PARD3B: variants seen among roughly 807,000 people sequenced by gnomAD.
PARD3B encodes the protein par-3 family cell polarity regulator beta, also known as partitioning defective 3 homolog B.
In PARD3B, 103 loss-of-function variants were observed where a neutral mutation model predicts 130.2. The observed-to-expected ratio is 0.79, with a 90% CI of 0.67 to 0.93. The LOEUF (loss-of-function observed/expected upper bound fraction) is 0.93, where lower values mean the gene tolerates loss of function less well. PARD3B is among the 40% of genes least tolerant of loss of function. PARD3B has a pLI of 0.00. For synonymous variants in PARD3B, 583 were observed against 553.2 expected, an observed-to-expected ratio of 1.05 and a Z score of -0.76; for missense variants, 1,609 against 1,499.2, an observed-to-expected ratio of 1.07 and a Z score of -1.21.
At chr2:205,047,711 A>G (rs370593472) in intron 4 of PARD3B, 21 bp downstream of exon 4, 83 of 1,489,360 alleles carry the variant, frequency 5.6e-5, no homozygotes, top group Non-Finnish European at 7.1e-5. Flanking sequence ...TGCTGCTTGT[A>G]GTTCTAATGA....
At chr2:204,655,388 C>T (rs895342915) in intron 1 of PARD3B, among the ~76,000 whole-genome samples, 4 of 152,066 alleles carry the variant, frequency 2.6e-5, no homozygotes, top group Non-Finnish European at 5.9e-5. Flanking sequence ...CTCTGATTTA[C>T]TCTGCTTGTC....
intron 2 of PARD3B, among the ~76,000 whole-genome samples, chr2:204,917,656 A>G (rs535079809): frequency 6.6e-6 from 1 of 152,322 alleles, no homozygotes; most frequent in Non-Finnish European, 1.5e-5. Context: ...GGAATAGAAT[A>G]CTAATGTTTT....
At chr2:204,854,426 AG>A in intron 2 of PARD3B, among the ~76,000 whole-genome samples, 1 of 152,294 alleles carries the variant, frequency 6.6e-6, no homozygotes, top group South Asian at 2.1e-4. Flanking sequence ...TTGGAATAAG[AG>A]GGGGTAAGAG....
At chr2:205,148,654 G>T (rs1455533596) in intron 10 of PARD3B, among the ~76,000 whole-genome samples, 2 of 151,990 alleles carry the variant, frequency 1.3e-5, no homozygotes, top group African/African-American at 2.4e-5. Flanking sequence ...GTTAACAATG[G>T]ATAAGCTTAT....
intron 2 of PARD3B, among the ~76,000 whole-genome samples, chr2:204,917,685 T>C (rs553518703): frequency 6.6e-6 from 1 of 152,318 alleles, no homozygotes; most frequent in South Asian, 2.1e-4. Flanking sequence ...TATTTCTAAT[T>C]TGGATCAGAA....
chr2:204,927,237 CCTAAG>C (rs1204129813), intron 2 of PARD3B, among the ~76,000 whole-genome samples: 1 of 152,078 alleles, frequency 6.6e-6, no homozygotes, highest in South Asian at 2.1e-4. Context: ...AATCCTAACT[CCTAAG>C]GTGTTAGTAT....
At chr2:205,277,798 A>G (rs1251540650) in intron 16 of PARD3B, among the ~76,000 whole-genome samples, 1 of 152,184 alleles carries the variant, frequency 6.6e-6, no homozygotes, top group Non-Finnish European at 1.5e-5. Flanking sequence ...AATCATCCCG[A>G]GGAGTTTGGA....
intron 18 of PARD3B, among the ~76,000 whole-genome samples, chr2:205,400,061 T>A (rs2046194387): frequency 6.6e-6 from 1 of 152,196 alleles, no homozygotes; most frequent in African/African-American, 2.4e-5. Flanking sequence ...CTCGTGGCAC[T>A]GTCATGGTGT....
intron 15 of PARD3B, among the ~76,000 whole-genome samples, chr2:205,217,770 GTATA>G (rs2037996567): frequency 1.4e-5 from 2 of 143,670 alleles, no homozygotes; most frequent in African/African-American, 5.2e-5. Context: ...GTGTAGATAA[GTATA>G]TATGTATATA....
At chr2:205,320,930 A>G (rs2042731715) in intron 18 of PARD3B, among the ~76,000 whole-genome samples, 1 of 152,212 alleles carries the variant, frequency 6.6e-6, no homozygotes, top group African/African-American at 2.4e-5. Flanking sequence ...TAGGCACTAA[A>G]GAGAAGAATA....
intron 3 of PARD3B, among the ~76,000 whole-genome samples, chr2:204,986,241 A>C (rs1403401210): frequency 6.6e-6 from 1 of 152,114 alleles, no homozygotes; most frequent in Non-Finnish European, 1.5e-5. Flanking sequence ...GCTGACTGCA[A>C]GGAAAGCTCA....
intron 2 of PARD3B, among the ~76,000 whole-genome samples, chr2:204,863,051 G>C (rs371815466): frequency 6.6e-6 from 1 of 152,132 alleles, no homozygotes; most frequent in African/African-American, 2.4e-5. Context: ...GGGAAAGGGC[G>C]GGCTCCATCC....
chr2:204,614,981 T>G (rs2125120729), intron 1 of PARD3B, among the ~76,000 whole-genome samples: 1 of 152,322 alleles, frequency 6.6e-6, no homozygotes, highest in African/African-American at 2.4e-5. Context: ...TTACTCACTT[T>G]TATGTGAGGT....
chr2:205,399,256 G>C (rs1198435601), intron 18 of PARD3B, among the ~76,000 whole-genome samples: 1 of 152,046 alleles, frequency 6.6e-6, no homozygotes, highest in Admixed American at 6.5e-5. Flanking sequence ...GGCAACAAGA[G>C]TGAAACTCCA....
At chr2:204,771,854 A>G (rs2041401464) in intron 2 of PARD3B, among the ~76,000 whole-genome samples, 1 of 152,002 alleles carries the variant, frequency 6.6e-6, no homozygotes, top group African/African-American at 2.4e-5. Flanking sequence ...GAGACTTTAA[A>G]AATTATTGAT....
At chr2:205,501,261 G>A (rs1435308983) in intron 21 of PARD3B, among the ~76,000 whole-genome samples, 9 of 152,274 alleles carry the variant, frequency 5.9e-5, no homozygotes, top group East Asian at 5.8e-4. Context: ...GCAGATGGGC[G>A]ATCTCAAGGC....
intron 22 of PARD3B, among the ~76,000 whole-genome samples, chr2:205,576,331 CA>C (rs2053759256): frequency 7.5e-6 from 1 of 132,522 alleles, no homozygotes. Context: ...TTTTTTTTTT[CA>C]TGGATTGTGA....
At chr2:204,882,697 A>G (rs1342629435) in intron 2 of PARD3B, among the ~76,000 whole-genome samples, 1 of 152,230 alleles carries the variant, frequency 6.6e-6, no homozygotes, top group Non-Finnish European at 1.5e-5. Flanking sequence ...AGAGTATAGC[A>G]TGTGGACAGC....
chr2:205,361,755 C>A (rs1023814084), intron 18 of PARD3B, among the ~76,000 whole-genome samples: 5 of 152,156 alleles, frequency 3.3e-5, no homozygotes, highest in African/African-American at 9.7e-5. Flanking sequence ...CACTTGGCCA[C>A]ATAGGATCAG....
Sources: gnomAD v4.1 joint callset for allele counts (sites outside exome capture counted in the v4.1 genomes callset) on GRCh38, gnomAD v4.1.1 for gene constraint, MANE v1.5 for transcripts, NCBI Gene and HGNC (gene_info 2026-07-23, HGNC 2026-07-21) for gene names.